MFAP3L: variants seen among roughly 807,000 people sequenced by gnomAD.
The protein encoded by MFAP3L is microfibrillar-associated protein 3-like.
MFAP3L carries 5 observed loss-of-function variants against 20.0 expected under a neutral mutation model. The observed-to-expected ratio is 0.25, with a 90% confidence interval of 0.13 to 0.53. The LOEUF (loss-of-function observed/expected upper bound fraction) is 0.53, where lower values mean the gene tolerates loss of function less well. Among genes scored for constraint, MFAP3L ranks in the 20% least tolerant of loss-of-function variants. The pLI, the probability that MFAP3L is intolerant of heterozygous loss-of-function variation, is 0.96. For missense variants in MFAP3L, 409 were observed against 527.5 expected (o/e 0.78, Z 2.20); for synonymous variants, 219 against 213.0 (o/e 1.03, Z -0.25).
At position 170,005,757 on chromosome 4, in the gene MFAP3L, C is replaced by G. The variant is rs149673902; in HGVS notation, c.121G>C (p.Val41Leu). 1.2e-6 allele frequency: 2 copies of G among 1,614,106 alleles called. No individual in the cohort carries two copies. The highest frequency in any genetic ancestry group is 3.3e-5 in the Admixed American group (2 of 60,012). ...ATTACGGGCACAGAGCCCAAGACCA[C>G]GTTAGTGCCATTTAAAGTGCTGTTA... is the stretch of plus-strand genomic sequence containing the variant. ...VTNSTLNGTN[V>L]VLGSVPVIIA... Residue 41 changes from valine to leucine, a missense_variant, in exon 2 of 3, where the codon GTG becomes CTG. Around this residue, in one of 3 missense-constraint regions of MFAP3L, gnomAD observed 113 missense variants for 131.1 expected, o/e 0.86. Coordinates refer to ENST00000361618, the MANE Select transcript of MFAP3L (RefSeq NM_021647.8).
At chr4:170,003,240 G>T (rs1738798031) in intron 2 of MFAP3L, among the ~76,000 whole-genome samples, 1 of 152,130 alleles carries the variant, frequency 6.6e-6, no homozygotes, top group Non-Finnish European at 1.5e-5. Flanking sequence ...TGATTTATCA[G>T]CAAGGCTGCT....
At chr4:170,023,332 GA>G (rs959480694) in intron 1 of MFAP3L, among the ~76,000 whole-genome samples, 27 of 148,718 alleles carry the variant, frequency 1.8e-4, no homozygotes, top group South Asian at 4.2e-4. Context: ...AAAGTTTGTG[GA>G]AAAAAAAAAT....
At chr4:170,005,347 A>C in intron 2 of MFAP3L, 1 of 565,730 alleles carries the variant, frequency 1.8e-6, no homozygotes, top group Non-Finnish European at 3.1e-6. Context: ...AATTCCAAGA[A>C]GCCTTTAAAA....
intron 2 of MFAP3L, among the ~76,000 whole-genome samples, chr4:169,996,828 C>A (rs1738210353): frequency 6.6e-6 from 1 of 152,172 alleles, no homozygotes; most frequent in Non-Finnish European, 1.5e-5. Flanking sequence ...GACAGGTTTG[C>A]CTTACTGTAT....
chr4:170,026,486 G>T, upstream of MFAP3L: 1 of 167,046 alleles, frequency 6.0e-6, no homozygotes, highest in South Asian at 1.8e-4. Flanking sequence ...GCGGAGGCGC[G>T]GGTGTAGCCG....
intron 2 of MFAP3L, among the ~76,000 whole-genome samples, chr4:170,002,528 TC>T (rs1313244257): frequency 1.3e-5 from 2 of 152,272 alleles, no homozygotes; most frequent in East Asian, 3.9e-4. Context: ...TTTGTTTTTT[TC>T]AGACAGAGTC....
rs1034884339 is a variant in MFAP3L, at chr4:169,999,274, G to A, written c.298+6306C>T. Among the ~76,000 whole-genome samples, 4 of 152,156 alleles carry A rather than the reference G, an allele frequency of 2.6e-5. No homozygotes were observed. The East Asian group carries it at 7.7e-4, about 29-fold the overall frequency. ...CATCATGTAGAGCGAAGGTGGCCTGGGATAATATGGGCTTAGCCAAGCTTT... is the reference window on the plus strand; with the variant it reads ...CATCATGTAGAGCGAAGGTGGCCTGAGATAATATGGGCTTAGCCAAGCTTT... On this transcript the variant is annotated intron_variant, in intron 2 of 2. Coordinates refer to ENST00000361618, the MANE Select transcript of MFAP3L (RefSeq NM_021647.8).
intron 1 of MFAP3L, among the ~76,000 whole-genome samples, chr4:170,012,454 G>C (rs559486425): frequency 2.6e-5 from 4 of 152,158 alleles, no homozygotes; most frequent in Non-Finnish European, 5.9e-5. Context: ...GCAGCACTCT[G>C]CACTCTGCTG....
chr4:170,026,094 G>T (rs933510785), intron 1 of MFAP3L, 140 bp downstream of exon 1: 1 of 347,742 alleles, frequency 2.9e-6, no homozygotes, highest in Non-Finnish European at 4.1e-6. Flanking sequence ...GCGTCTCGCA[G>T]CGCAGCCTCC....
rs769034321 is a variant in MFAP3L at position 169,992,293 on chromosome 4, G to C, written c.315C>G (p.His105Gln). The change falls in exon 3 of 3, where the codon CAC becomes CAG. Residue 105 changes from histidine to glutamine, a missense_variant. Physicochemically the swap from His to Gln is conservative, Grantham distance 24. Transcript: ENST00000361618. This position sits in a 1 kb window ranked among gnomAD's most constrained non-coding sequence, Gnocchi z 4.3. ...TGGTGATGTTCAGGAGGCCGCTGTC[G>C]TGCATTTGCCATTTTCCTGTCGGAA... ...KERGGGKWQM[H>Q]DSGLLNITKV... 6.2e-7 allele frequency: 1 copy of C among 1,607,520 alleles called. No individual in the cohort carries two copies.
At chr4:170,016,345 G>A (rs1739700288) in intron 1 of MFAP3L, among the ~76,000 whole-genome samples, 1 of 152,142 alleles carries the variant, frequency 6.6e-6, no homozygotes, top group Non-Finnish European at 1.5e-5. Flanking sequence ...CCTGGGCTCT[G>A]CTAATCCTGA....
At chr4:169,997,743 A>G in intron 2 of MFAP3L, 1 of 983,950 alleles carries the variant, frequency 1.0e-6, no homozygotes, top group Non-Finnish European at 1.2e-6. Context: ...TCTATCACAC[A>G]CAACTCACCG....
In MFAP3L at chr4:169,991,735, G is replaced by T; in HGVS notation, c.873C>A (p.Asn291Lys). 1 of 1,614,188 alleles carries T rather than the reference G, an allele frequency of 6.2e-7. No homozygotes were observed. The highest frequency in any genetic ancestry group is 8.5e-7 in the Non-Finnish European group (1 of 1,180,052). Residue 291 changes from asparagine (N) to lysine (K), a missense_variant, in exon 3 of 3, where the codon AAC (asparagine) becomes AAA (lysine). By Grantham distance (94) the Asn-to-Lys change is moderately conservative (BLOSUM62 0). Transcript: ENST00000361618. The surrounding 1 kb of genome is among the most constrained non-coding windows in gnomAD (Gnocchi z 4.9). ...ADRDEVYTIP[N>K]SLKRSDSPAA... is the part of the protein sequence containing the mutation. ...CAGGGGAGTCGCTCCGCTTCAGAGA[G>T]TTGGGGATTGTGTAGACCTCATCCC...
intron 1 of MFAP3L, among the ~76,000 whole-genome samples, chr4:170,012,385 A>G (rs1323020796): frequency 6.6e-6 from 1 of 152,196 alleles, no homozygotes; most frequent in Admixed American, 6.5e-5. Context: ...CTAAAAACCA[A>G]TGGCTGGCAC....
intron 2 of MFAP3L, among the ~76,000 whole-genome samples, chr4:169,995,368 AC>A (rs1209874719): frequency 6.6e-6 from 1 of 152,180 alleles, no homozygotes; most frequent in Non-Finnish European, 1.5e-5. Flanking sequence ...CGTTCTGGGA[AC>A]CAAGACTCCA....
In MFAP3L at chr4:169,988,337, GATC is replaced by G. The variant is rs1054362268; in HGVS notation, c.*3038_*3040del. ...AGAATAAATACCATCCAAGTTTACA[GATC>G]ATCTAAGTGAATTAAATGTACACAC... On this transcript the variant is annotated 3_prime_UTR_variant, in exon 3 of 3. Transcript: ENST00000361618. The G allele has an allele frequency of 3.9e-5, 6 of 152,172 alleles. No homozygotes were observed. Among genetic ancestry groups the G allele is most frequent in the Admixed American group, 6.5e-5 (1 of 15,280 alleles). 9.4% of individuals were successfully genotyped at this position (152,172 alleles called of 1,614,324 possible).
chr4:170,002,568 G>A (rs1483885518), intron 2 of MFAP3L, among the ~76,000 whole-genome samples: 1 of 151,704 alleles, frequency 6.6e-6, no homozygotes, highest in Non-Finnish European at 1.5e-5. Context: ...CGAGTGCAGT[G>A]GCGCGATCTC....
intron 1 of MFAP3L, among the ~76,000 whole-genome samples, chr4:170,016,241 G>A (rs976053123): frequency 6.6e-6 from 1 of 152,184 alleles, no homozygotes; most frequent in African/African-American, 2.4e-5. Context: ...GTAAAAGCCA[G>A]AGGCAGCCTT....
At chr4:169,996,295 A>T (rs562987526) in intron 2 of MFAP3L, among the ~76,000 whole-genome samples, 9 of 139,332 alleles carry the variant, frequency 6.5e-5, no homozygotes, top group African/African-American at 1.0e-4. Context: ...TGACATTTGT[A>T]GAAGGGCAGT....
Sources: allele counts gnomAD v4.1 joint callset (sites outside exome capture counted in the v4.1 genomes callset), GRCh38; gene constraint gnomAD v4.1.1; regional missense constraint gnomAD v4.1.1; non-coding constraint Gnocchi (gnomAD v3.1); transcripts MANE v1.5; gene names NCBI Gene and HGNC (gene_info 2026-07-23, HGNC 2026-07-21).